ANK2: variants seen among roughly 807,000 people sequenced by gnomAD.
The protein encoded by ANK2 is ankyrin 2.
Under a neutral mutation model 360.5 loss-of-function variants are expected in ANK2, and 83 were observed. That is an observed-to-expected ratio of 0.23 (90% CI 0.19 to 0.28). The LOEUF (loss-of-function observed/expected upper bound fraction) is 0.28, where lower values mean the gene tolerates loss of function less well. Among genes scored for constraint, ANK2 ranks in the 10% least tolerant of loss-of-function variants. The probability of loss-of-function intolerance (pLI) is 1.00; values close to 1 mark genes in which losing one functional copy is unlikely to be tolerated. For synonymous variants in ANK2, 1,740 were observed against 1,759.5 expected, an observed-to-expected ratio of 0.99 and a Z score of 0.28; for missense variants, 4,201 against 4,795.7, an observed-to-expected ratio of 0.88 and a Z score of 3.66.
At chr4:113,334,604 T>G (rs1408031135) in intron 29 of ANK2, among the ~76,000 whole-genome samples, 1 of 138,920 alleles carries the variant, frequency 7.2e-6, no homozygotes, top group Non-Finnish European at 1.5e-5. Flanking sequence ...TTAATTAATC[T>G]ATTACTAGAA....
intron 1 of ANK2, among the ~76,000 whole-genome samples, chr4:113,081,563 A>T (rs1461385237): frequency 6.6e-6 from 1 of 152,214 alleles, no homozygotes; most frequent in East Asian, 1.9e-4. Flanking sequence ...TTATCATTCC[A>T]GTTCCTGGGG....
At chr4:112,843,002 C>G (rs187129557) in intron 1 of ANK2, among the ~76,000 whole-genome samples, 18 of 152,312 alleles carry the variant, frequency 1.2e-4, no homozygotes, top group Admixed American at 5.9e-4. Flanking sequence ...AAGCACACCA[C>G]TCCAACCTCT....
At chr4:112,936,145 C>G (rs771621782) in intron 2 of ANK2, among the ~76,000 whole-genome samples, 1 of 152,124 alleles carries the variant, frequency 6.6e-6, no homozygotes, top group Non-Finnish European at 1.5e-5. Flanking sequence ...TTTCCTGAAG[C>G]ATTGCTTTGT....
At chr4:113,107,430 A>G (rs961321794) in intron 1 of ANK2, among the ~76,000 whole-genome samples, 3 of 152,086 alleles carry the variant, frequency 2.0e-5, no homozygotes, top group African/African-American at 7.2e-5. Context: ...TTGGCCATGC[A>G]GGTCTTGAAC....
At chr4:112,729,147 A>G in the ANK2 span, among the ~76,000 whole-genome samples, 1 of 152,256 alleles carries the variant, frequency 6.6e-6, no homozygotes, top group South Asian at 2.1e-4. Flanking sequence ...GCAGTGAGGC[A>G]TGTTTGCCCC....
At chr4:112,870,404 C>T (rs1056407501) in intron 1 of ANK2, among the ~76,000 whole-genome samples, 4 of 152,238 alleles carry the variant, frequency 2.6e-5, no homozygotes, top group South Asian at 2.1e-4. Context: ...GTTATACCTA[C>T]GTTTTTGTTT....
intron 2 of ANK2, among the ~76,000 whole-genome samples, chr4:112,985,825 A>T (rs2044651881): frequency 6.6e-6 from 1 of 151,864 alleles, no homozygotes; most frequent in South Asian, 2.1e-4. Flanking sequence ...GACTTTGGGG[A>T]CTTGGAGGAA....
intron 4 of ANK2, among the ~76,000 whole-genome samples, chr4:113,228,806 C>A (rs921798489): frequency 2.7e-4 from 41 of 152,280 alleles, no homozygotes; most frequent in African/African-American, 9.6e-4. Context: ...CAAAAGAGGC[C>A]CGCTTGCAAT....
chr4:113,126,734 C>G (rs555172616), intron 1 of ANK2, among the ~76,000 whole-genome samples: 10 of 152,160 alleles, frequency 6.6e-5, no homozygotes, highest in African/African-American at 1.7e-4. Flanking sequence ...AACACATTAT[C>G]GAATATAAGG....
the ANK2 span, among the ~76,000 whole-genome samples, chr4:112,768,843 C>A: frequency 6.6e-6 from 1 of 152,088 alleles, no homozygotes; most frequent in Non-Finnish European, 1.5e-5. Flanking sequence ...AGGTTTGGAC[C>A]TGAGCTAATC....
the ANK2 span, among the ~76,000 whole-genome samples, chr4:112,789,872 G>A: frequency 6.6e-6 from 1 of 152,130 alleles, no homozygotes; most frequent in African/African-American, 2.4e-5. Context: ...AAACCAAAAC[G>A]AAATATCACC....
chr4:113,009,266 T>C (rs1334713456), intron 2 of ANK2, among the ~76,000 whole-genome samples: 1 of 152,218 alleles, frequency 6.6e-6, no homozygotes, highest in Non-Finnish European at 1.5e-5. Context: ...TGTTCTTTAG[T>C]TTAAATATAT....
intron 2 of ANK2, among the ~76,000 whole-genome samples, chr4:112,996,511 C>T (rs2048566890): frequency 6.6e-6 from 1 of 151,958 alleles, no homozygotes. Flanking sequence ...GGAACAGCAC[C>T]TTTTATTGTA....
At chr4:112,717,490 A>C in the ANK2 span, among the ~76,000 whole-genome samples, 2 of 152,204 alleles carry the variant, frequency 1.3e-5, no homozygotes, top group African/African-American at 2.4e-5. Flanking sequence ...AATAGTGAAC[A>C]TGAAGGAAAA....
Position 113,357,429 on chromosome 4 carries a change from C to G in ANK2, c.8811C>G (p.Phe2937Leu). ...AAAATGTCCCTTCCCAATCTTTTTT[C>G]TCTAGTGAAGAAAGCAAAACCCAAA... ...PYENVPSQSF[F>L]SSEESKTQTD... Residue 2937 changes from phenylalanine to leucine, a missense_variant, in exon 38 of 46, where the codon TTC becomes TTG. Around this residue, in one of 4 missense-constraint regions of ANK2, gnomAD observed 2,642 missense variants for 2,714.5 expected, o/e 0.97. Transcript: ENST00000357077. 6.2e-7 allele frequency: 1 copy of G among 1,614,054 alleles called. No individual in the cohort carries two copies. Among genetic ancestry groups the G allele is most frequent in the South Asian group, 1.1e-5 (1 of 91,082 alleles).
intron 37 of ANK2, among the ~76,000 whole-genome samples, chr4:113,352,582 C>T (rs2095479812): frequency 6.6e-6 from 1 of 151,948 alleles, no homozygotes; most frequent in Admixed American, 6.6e-5. Context: ...TGGCTTTCTC[C>T]TAGAGGAAAT....
chr4:112,987,792 A>G (rs2045444387), intron 2 of ANK2, among the ~76,000 whole-genome samples: 1 of 152,114 alleles, frequency 6.6e-6, no homozygotes, highest in South Asian at 2.1e-4. Flanking sequence ...TATTAGTTCT[A>G]TAACATATAT....
At chr4:112,933,125 T>A (rs1181636592) in intron 2 of ANK2, among the ~76,000 whole-genome samples, 1 of 152,234 alleles carries the variant, frequency 6.6e-6, no homozygotes, top group Non-Finnish European at 1.5e-5. Flanking sequence ...CATGGTTATA[T>A]AAACAAATGT....
At chr4:112,924,266 G>A (rs1338172184) in intron 2 of ANK2, among the ~76,000 whole-genome samples, 1 of 151,966 alleles carries the variant, frequency 6.6e-6, no homozygotes, top group Non-Finnish European at 1.5e-5. Context: ...CTACTCGGGA[G>A]GCTGAGGCAG....
Sources: gnomAD v4.1 joint callset for allele counts (sites outside exome capture counted in the v4.1 genomes callset) on GRCh38, gnomAD v4.1.1 for gene constraint, gnomAD v4.1.1 regional missense constraint, MANE v1.5 for transcripts, NCBI Gene and HGNC (gene_info 2026-07-23, HGNC 2026-07-21) for gene names.